The following RARB variants were observed in gnomAD, a reference collection of about 807,000 sequenced individuals.
The protein encoded by RARB is retinoic acid receptor beta, also known as HBV-activated protein.
A neutral mutation model predicts 51.9 loss-of-function variants in RARB; 17 were observed. That is an observed-to-expected ratio of 0.33 (90% CI 0.22 to 0.49). The LOEUF (loss-of-function observed/expected upper bound fraction) is 0.49. RARB is among the 20% of genes least tolerant of loss of function. The probability of loss-of-function intolerance (pLI) is 0.99; values close to 1 mark genes in which losing one functional copy is unlikely to be tolerated. For synonymous variants in RARB, 215 were observed against 195.4 expected (o/e 1.10, Z -0.84); for missense variants, 369 against 550.8 (o/e 0.67, Z 3.30).
At chr3:25,346,644 A>G (rs567868815) in intron 5 of RARB, among the ~76,000 whole-genome samples, 35 of 152,262 alleles carry the variant, frequency 2.3e-4, no homozygotes, top group African/African-American at 7.0e-4. Context: ...TCTCTCACCA[A>G]TTAATCAGGA....
At chr3:24,912,029 C>A (rs1191173343) in intron 2 of RARB, among the ~76,000 whole-genome samples, 2 of 152,184 alleles carry the variant, frequency 1.3e-5, no homozygotes, top group Admixed American at 6.5e-5. Flanking sequence ...GAGCATGGGA[C>A]CTCAGAACCA....
At chr3:25,333,228 A>G (rs1273031095) in intron 5 of RARB, among the ~76,000 whole-genome samples, 1 of 152,116 alleles carries the variant, frequency 6.6e-6, no homozygotes, top group African/African-American at 2.4e-5. Context: ...AGTCAATCCT[A>G]AGCCAAAAGA....
At chr3:25,279,229 A>G (rs1048780968) in intron 5 of RARB, among the ~76,000 whole-genome samples, 5 of 152,162 alleles carry the variant, frequency 3.3e-5, no homozygotes, top group African/African-American at 1.2e-4. Flanking sequence ...TGAAACTTGG[A>G]TCTTCTGCCT....
At chr3:25,312,636 G>A (rs1347807762) in intron 5 of RARB, among the ~76,000 whole-genome samples, 1 of 152,186 alleles carries the variant, frequency 6.6e-6, no homozygotes, top group African/African-American at 2.4e-5. Flanking sequence ...AGCAGCAGAT[G>A]AGCTTGTACA....
intron 5 of RARB, among the ~76,000 whole-genome samples, chr3:25,379,025 TAAC>T (rs1421403219): frequency 1.3e-5 from 2 of 152,230 alleles, no homozygotes; most frequent in Non-Finnish European, 2.9e-5. Context: ...TATGTAAACA[TAAC>T]AACACTCGGC....
At chr3:24,896,227 T>C (rs949867915) in intron 2 of RARB, among the ~76,000 whole-genome samples, 16 of 152,088 alleles carry the variant, frequency 1.1e-4, no homozygotes, top group African/African-American at 3.1e-4. Flanking sequence ...AGGGGAGTTA[T>C]TATTTAACAG....
At chr3:25,520,992 G>A (rs1698377823) in intron 3 of RARB, among the ~76,000 whole-genome samples, 1 of 152,096 alleles carries the variant, frequency 6.6e-6, no homozygotes, top group Admixed American at 6.6e-5. Flanking sequence ...GGGAGTTTGT[G>A]ACAATAAAAT....
chr3:25,197,035 G>A (rs1701259503), intron 5 of RARB, among the ~76,000 whole-genome samples: 1 of 151,988 alleles, frequency 6.6e-6, no homozygotes, highest in East Asian at 1.9e-4. Flanking sequence ...CACTCTCATG[G>A]TAGTTTCTTT....
At chr3:25,061,925 A>G (rs1304693176) in intron 3 of RARB, among the ~76,000 whole-genome samples, 1 of 151,872 alleles carries the variant, frequency 6.6e-6, no homozygotes, top group Non-Finnish European at 1.5e-5. Context: ...ATAAGAGTAA[A>G]GAATGAAATC....
At chr3:25,373,703 C>T (rs1274045376) in intron 5 of RARB, among the ~76,000 whole-genome samples, 1 of 152,100 alleles carries the variant, frequency 6.6e-6, no homozygotes, top group African/African-American at 2.4e-5. Flanking sequence ...CTGTAAACTC[C>T]CCTCTACTAC....
At chr3:24,899,739 C>T (rs1014325926) in intron 2 of RARB, among the ~76,000 whole-genome samples, 5 of 152,126 alleles carry the variant, frequency 3.3e-5, no homozygotes, top group Admixed American at 2.6e-4. Context: ...ATGTGGAAAT[C>T]TCAACTCCCT....
intron 4 of RARB, among the ~76,000 whole-genome samples, chr3:25,576,391 C>T (rs1412677835): frequency 6.6e-6 from 1 of 152,180 alleles, no homozygotes; most frequent in Non-Finnish European, 1.5e-5. Context: ...GTGGCCCCTT[C>T]CAGCAGCTGG....
At chr3:25,434,703 G>C (rs976352492) in intron 1 of RARB, among the ~76,000 whole-genome samples, 2 of 151,684 alleles carry the variant, frequency 1.3e-5, no homozygotes, top group African/African-American at 4.8e-5. Flanking sequence ...CACCACACCT[G>C]GCTAATTTTT....
intron 5 of RARB, among the ~76,000 whole-genome samples, chr3:25,380,774 TCC>T (rs1706602039): frequency 2.6e-5 from 4 of 152,270 alleles, no homozygotes; most frequent in African/African-American, 9.6e-5. Context: ...TTCGTCTCCC[TCC>T]CCCTGCTAAT....
chr3:24,901,757 C>T (rs765950272), intron 2 of RARB, among the ~76,000 whole-genome samples: 2 of 152,118 alleles, frequency 1.3e-5, no homozygotes, highest in Non-Finnish European at 2.9e-5. Flanking sequence ...CCTTTGCTGA[C>T]TAGGGGGATT....
intron 3 of RARB, among the ~76,000 whole-genome samples, chr3:25,091,820 C>G (rs1395505572): frequency 6.6e-6 from 1 of 152,138 alleles, no homozygotes; most frequent in African/African-American, 2.4e-5. Flanking sequence ...TTATGTTTCC[C>G]TCTGTGGTGC....
chr3:24,898,002 A>G (rs1703515147), intron 2 of RARB, among the ~76,000 whole-genome samples: 1 of 152,196 alleles, frequency 6.6e-6, no homozygotes, highest in Non-Finnish European at 1.5e-5. Context: ...AACTTCTTTC[A>G]TCAGACAAAT....
intron 5 of RARB, among the ~76,000 whole-genome samples, chr3:25,258,211 T>G (rs897836550): frequency 6.6e-6 from 1 of 152,088 alleles, no homozygotes; most frequent in Non-Finnish European, 1.5e-5. Flanking sequence ...ATTCCATGTT[T>G]CTATGTGGCA....
chr3:25,433,100 T>C (rs1000994844), intron 1 of RARB, among the ~76,000 whole-genome samples: 4 of 152,344 alleles, frequency 2.6e-5, no homozygotes, highest in African/African-American at 9.6e-5. Flanking sequence ...TTGATGAAGG[T>C]TAATCAGAAA....
Sources: allele counts gnomAD v4.1 joint callset (sites outside exome capture counted in the v4.1 genomes callset), GRCh38; gene constraint gnomAD v4.1.1; transcripts MANE v1.5; gene names NCBI Gene and HGNC (gene_info 2026-07-23, HGNC 2026-07-21).